The following RGS3 variants were observed in gnomAD, a reference collection of about 807,000 sequenced individuals.
RGS3 encodes regulator of G protein signaling 3, also known as regulator of G-protein signalling 3.
RGS3 carries 80 observed loss-of-function variants against 132.6 expected under a neutral mutation model. The observed-to-expected ratio is 0.60, with a 90% CI of 0.50 to 0.73. RGS3 has a LOEUF of 0.73. Ranked by LOEUF, RGS3 falls within the 30% of genes least tolerant of loss-of-function variation. The pLI is 0.00. For missense variants in RGS3, 1,382 were observed against 1,530.8 expected (o/e 0.90, Z 1.62); for synonymous variants, 598 against 620.6 (o/e 0.96, Z 0.54).
intron 3 of RGS3, chr9:113,462,298 G>T: frequency 2.1e-6 from 1 of 466,874 alleles, no homozygotes; most frequent in East Asian, 5.0e-5. Flanking sequence ...GGTTGGAGGG[G>T]GAGAGTGGGG....
chr9:113,593,897 C>T lies in RGS3; in HGVS notation c.3081-533C>T, dbSNP rs762913526. 8 of 1,581,768 alleles carry T rather than the reference C, an allele frequency of 5.1e-6. No homozygotes were observed. The Admixed American group carries it at 8.6e-5, about 17-fold the overall frequency. The stretch of plus-strand genomic sequence containing the variant: ...CAATTTGCTGACTTGTCCCCCACCC[C>T]CCACCACTGTCTCCCTGCTGCCATG... On this transcript the variant is annotated intron_variant, in intron 21 of 24. Coordinates refer to ENST00000350696, the Ensembl canonical transcript of RGS3.
intron 14 of RGS3, among the ~76,000 whole-genome samples, chr9:113,513,805 G>T (rs1032827889): frequency 1.3e-5 from 2 of 152,198 alleles, no homozygotes; most frequent in African/African-American, 4.8e-5. Flanking sequence ...ACTGACTGGA[G>T]TGGGCCAGGC....
intron 19 of RGS3, chr9:113,581,940 T>A: frequency 1.3e-6 from 1 of 761,200 alleles, no homozygotes; most frequent in Non-Finnish European, 1.6e-6. Flanking sequence ...CACGCTAGAG[T>A]CCTCCAAGGC....
chr9:113,546,298 A>G (rs1024459096), intron 19 of RGS3, among the ~76,000 whole-genome samples: 1 of 152,220 alleles, frequency 6.6e-6, no homozygotes, highest in African/African-American at 2.4e-5. Flanking sequence ...CACCTTTCTC[A>G]GGCATGCATC....
At chr9:113,530,903 C>T (rs1832434808) in intron 18 of RGS3, among the ~76,000 whole-genome samples, 1 of 152,162 alleles carries the variant, frequency 6.6e-6, no homozygotes, top group African/African-American at 2.4e-5. Context: ...GCCTGGACCA[C>T]TCTTAACATG....
At chr9:113,482,624 G>A (rs910594736) in intron 4 of RGS3, among the ~76,000 whole-genome samples, 4 of 152,224 alleles carry the variant, frequency 2.6e-5, no homozygotes, top group African/African-American at 7.2e-5. Flanking sequence ...TGAGCCGGGA[G>A]TCAAGAGACA....
chr9:113,594,950 G>A lies in RGS3; in HGVS notation c.3214G>A (p.Glu1072Lys), dbSNP rs776998917. Residue 1072 changes from glutamate (E) to lysine (K), a missense_variant, in exon 23 of 25, where the codon GAG (glutamate) becomes AAG (lysine). Glu to Lys is a moderately conservative substitution (Grantham distance 56, BLOSUM62 1). Coordinates refer to ENST00000350696, the Ensembl canonical transcript of RGS3. The stretch of plus-strand genomic sequence containing the variant: ...CTCAGAGGAAGCCCTCAAGTGGGGC[G>A]AGTCCTTGGAGAAGCTGCTGGTTCA... 1.9e-6 allele frequency: 3 copies of A among 1,614,108 alleles called. No homozygotes were observed. Among genetic ancestry groups the A allele is most frequent in the African/African-American group, 1.3e-5 (1 of 75,054 alleles).
chr9:113,464,364 G>T (rs1352281740), intron 3 of RGS3, among the ~76,000 whole-genome samples: 2 of 152,206 alleles, frequency 1.3e-5, no homozygotes, highest in African/African-American at 4.8e-5. Flanking sequence ...GTGGAGATGG[G>T]AGAATTCTCT....
At chr9:113,482,883 G>T in intron 4 of RGS3, 176 bp from the exon 3 acceptor site, 1 of 1,462,526 alleles carries the variant, frequency 6.8e-7, no homozygotes, top group African/African-American at 1.4e-5. Context: ...GCCAATGGTG[G>T]TTATGCAGAT....
chr9:113,477,025 T>C (rs1232576157), intron 3 of RGS3, among the ~76,000 whole-genome samples: 1 of 152,180 alleles, frequency 6.6e-6, no homozygotes, highest in Non-Finnish European at 1.5e-5. Context: ...CGTTTGCCTG[T>C]TTCCAAACCT....
rs1227256435 is a variant in RGS3, at chr9:113,482,700, G to T, written c.467-359G>T. 2.6e-5 allele frequency among the ~76,000 whole-genome samples: 4 copies of T among 152,280 alleles called. No homozygotes were observed. The East Asian group carries it at 7.7e-4, about 29-fold the overall frequency. On this transcript the variant is annotated intron_variant, in intron 4 of 24. Transcript: ENST00000350696. ...TGTGGGCAAGTTTCTTACTATCTTG[G>T]GTTCCCCTCGAAGCCTCATTTTCCC... is the stretch of plus-strand genomic sequence containing the variant.
Position 113,506,173 on chromosome 9 carries a change from T to C in RGS3, c.980-215T>C, listed in dbSNP as rs1237359981. On this transcript the variant is annotated intron_variant, in intron 11 of 24. Coordinates refer to ENST00000350696, the Ensembl canonical transcript of RGS3. The surrounding 1 kb of genome is among the most constrained non-coding windows in gnomAD (Gnocchi z 4.7). ...AGCAGTAGGGGAGGTAAGCCAGCAG[T>C]AGGGGAGGCAAGCAGGGAGAAGGGA... Among the ~76,000 whole-genome samples the C allele has an allele frequency of 1.3e-5, 2 of 150,918 alleles. No individual in the cohort carries two copies. The highest frequency in any genetic ancestry group is 2.4e-5 in the African/African-American group (1 of 40,980).
rs151033844 is a variant in RGS3 at position 113,571,992 on chromosome 9, A to G, written c.2038-11458A>G. On this transcript the variant is annotated intron_variant, in intron 19 of 24. Coordinates refer to ENST00000350696, the Ensembl canonical transcript of RGS3. Reference sequence around the variant, plus strand: ...CACCTTTGTCAGAAATTGAGGGGCAATACGTGGGTGGGTCACTTGAATTTT... The same window carrying G: ...CACCTTTGTCAGAAATTGAGGGGCAGTACGTGGGTGGGTCACTTGAATTTT... Among the ~76,000 whole-genome samples the G allele has an allele frequency of 3.5e-3, 536 of 152,298 alleles. 3 individuals carry two copies. Among genetic ancestry groups the G allele is most frequent in the Middle Eastern group, 0.01 (3 of 294 alleles).
In RGS3 at chr9:113,558,059, C is replaced by T. The variant is rs538804529; in HGVS notation, c.2037+21141C>T. 7.2e-5 allele frequency among the ~76,000 whole-genome samples: 11 copies of T among 152,284 alleles called. No homozygotes were observed. In the South Asian group the frequency reaches 1.5e-3, roughly 20 times the overall value. The stretch of plus-strand genomic sequence containing the variant: ...GGGAGCAGTGTGGAGCTATTGGCCT[C>T]GGCCAGGGAGAGCCGATGGTTGCTT... On this transcript the variant is annotated intron_variant, in intron 19 of 24. Transcript: ENST00000350696.
intron 15 of RGS3, among the ~76,000 whole-genome samples, chr9:113,515,859 A>G (rs970982775): frequency 1.3e-5 from 2 of 152,198 alleles, no homozygotes; most frequent in Non-Finnish European, 2.9e-5. Flanking sequence ...CTCTTCTTTT[A>G]TATGGGTATA....
chr9:113,552,353 G>A (rs1833374565), intron 19 of RGS3, among the ~76,000 whole-genome samples: 1 of 152,006 alleles, frequency 6.6e-6, no homozygotes, highest in African/African-American at 2.4e-5. Context: ...GTCTCACTCT[G>A]TCGCCCAGGC....
At chr9:113,541,191 C>G (rs1309695018) in intron 19 of RGS3, 1 of 895,288 alleles carries the variant, frequency 1.1e-6, no homozygotes, top group Non-Finnish European at 1.7e-6. Context: ...TCCACTGGGG[C>G]CACTAGAGAC....
intron 3 of RGS3, chr9:113,462,266 C>A: frequency 8.5e-7 from 1 of 1,172,744 alleles, no homozygotes; most frequent in South Asian, 1.5e-5. Flanking sequence ...AGGCAGTGTT[C>A]ACCATGTGTG....
chr9:113,467,770 AT>A (rs1564452891), intron 3 of RGS3, among the ~76,000 whole-genome samples: 2 of 152,056 alleles, frequency 1.3e-5, no homozygotes, highest in Non-Finnish European at 2.9e-5. Context: ...CAGTGGCATG[AT>A]CATGGCTCCT....
Sources: allele counts gnomAD v4.1 joint callset (sites outside exome capture counted in the v4.1 genomes callset), GRCh38; gene constraint gnomAD v4.1.1; non-coding constraint Gnocchi (gnomAD v3.1); transcripts MANE v1.5; gene names NCBI Gene and HGNC (gene_info 2026-07-23, HGNC 2026-07-21).